Variants in CCR3 observed in about 807,000 individuals in gnomAD.
CCR3 encodes C-C chemokine receptor type 3.
For synonymous variants in CCR3, 203 were observed against 179.2 expected (o/e 1.13, Z -1.06); for missense variants, 419 against 437.5 (o/e 0.96, Z 0.38).
chr3:46,263,001 AC>A (rs1700555833), intron 1 of CCR3, among the ~76,000 whole-genome samples: 1 of 152,200 alleles, frequency 6.6e-6, no homozygotes, highest in African/African-American at 2.4e-5. Flanking sequence ...GTAATCAAGG[AC>A]TTGGCTGCTG....
intron 1 of CCR3, chr3:46,264,191 C>A (rs1242790818): frequency 1.9e-6 from 1 of 523,816 alleles, no homozygotes; most frequent in Admixed American, 3.7e-5. Context: ...TTGACTGACC[C>A]CTCCTGCTTA....
chr3:46,257,117 G>C (rs572104028), intron 1 of CCR3, among the ~76,000 whole-genome samples: 10 of 152,226 alleles, frequency 6.6e-5, no homozygotes, highest in Admixed American at 5.9e-4. Context: ...TAAATACATA[G>C]CATAGTGAAT....
At chr3:46,255,127 G>T (rs977726065) in intron 1 of CCR3, among the ~76,000 whole-genome samples, 4 of 151,952 alleles carry the variant, frequency 2.6e-5, no homozygotes, top group African/African-American at 9.7e-5. Flanking sequence ...GTTTTGATTT[G>T]CATTTCCCTG....
rs1403196529 is a variant in CCR3 at position 46,265,447 on chromosome 3, C to A, written c.289C>A (p.His97Asn). Residue 97 changes from histidine (H) to asparagine (N), a missense_variant, in exon 2 of 2, where the codon CAT becomes AAT. Physicochemically the swap from His to Asn is moderately conservative, Grantham distance 68 (BLOSUM62 1). Transcript: ENST00000395940. ...ATTCTGGATCCACTATGTCAGGGGG[C>A]ATAACTGGGTTTTTGGCCATGGCAT... ...LPFWIHYVRGHNWVFGHGMCK... is the reference protein window; with the variant it reads ...LPFWIHYVRGNNWVFGHGMCK... 1 of 1,614,030 alleles carries A rather than the reference C, an allele frequency of 6.2e-7. No homozygotes were observed. The highest frequency in any genetic ancestry group is 8.5e-7 in the Non-Finnish European group (1 of 1,180,034).
chr3:46,249,265 T>C lies in CCR3; in HGVS notation c.-12+6727T>C, dbSNP rs554993089. On this transcript the variant is annotated intron_variant, in intron 1 of 1. Transcript: ENST00000395940. ...ATAGTCAGGGAAGCAGATAATTTGG[T>C]TAAAATATCTCGGCCTAATAAGGGA... 1.9e-3 allele frequency among the ~76,000 whole-genome samples: 283 copies of C among 152,174 alleles called. 3 individuals are homozygous for C. Among genetic ancestry groups the C allele is most frequent in the African/African-American group, 6.4e-3 (267 of 41,496 alleles).
intron 2 of CCR3, among the ~76,000 whole-genome samples, chr3:46,221,993 G>C (rs1044664114): frequency 6.6e-6 from 1 of 152,080 alleles, no homozygotes; most frequent in African/African-American, 2.4e-5. Context: ...TTTCCCACAG[G>C]CTTCCTCCAC....
Position 46,250,997 on chromosome 3 carries a change from G to A in CCR3, c.-12+8459G>A, listed in dbSNP as rs142246295. On this transcript the variant is annotated intron_variant, in intron 1 of 1. Coordinates refer to ENST00000395940, the MANE Select transcript of CCR3 (RefSeq NM_178329.3). ...TTGGGGTGCAGAAATAAGGGATTGG[G>A]GGTTCTTGCCCCCTAGAAAAGTGGG... Among the ~76,000 whole-genome samples the A allele has an allele frequency of 3.2e-3, 489 of 152,042 alleles. 10 individuals carry two copies. The highest frequency in any genetic ancestry group is 0.011 in the African/African-American group (442 of 41,454).
chr3:46,213,925 C>G (rs1469624913), intron 2 of CCR3, among the ~76,000 whole-genome samples: 1 of 152,198 alleles, frequency 6.6e-6, no homozygotes, highest in Non-Finnish European at 1.5e-5. Context: ...TAAACACACC[C>G]TCAATTCCTT....
intron 1 of CCR3, among the ~76,000 whole-genome samples, chr3:46,256,688 A>G (rs1700431865): frequency 6.6e-6 from 1 of 152,208 alleles, no homozygotes; most frequent in Non-Finnish European, 1.5e-5. Context: ...ATTCATAAAT[A>G]AATTGCGTAA....
chr3:46,242,657 A>G (rs1700104930), intron 1 of CCR3, 119 bp downstream of exon 1: 1 of 152,044 alleles, frequency 6.6e-6, no homozygotes, highest in South Asian at 2.1e-4. Context: ...GTACACAGCA[A>G]TTTAGAGGTA....
At chr3:46,257,288 T>C (rs1349506606) in intron 1 of CCR3, among the ~76,000 whole-genome samples, 1 of 152,210 alleles carries the variant, frequency 6.6e-6, no homozygotes, top group Non-Finnish European at 1.5e-5. Context: ...CCTAAGTATA[T>C]GCTGTCCATT....
rs200237278 is a variant in CCR3, at chr3:46,265,404, C to T, written c.246C>T (p.Leu82=). 3 of 1,614,106 alleles carry T rather than the reference C, an allele frequency of 1.9e-6. No individual in the cohort carries two copies. The highest frequency in any genetic ancestry group is 1.6e-4 in the Middle Eastern group (1 of 6,084). ...TCAACCTGGCCATTTCGGACCTGCT[C>T]TTCCTCGTCACCCTTCCATTCTGGA... ...YLLNLAISDL[L]FLVTLPFWIH... Residue 82 remains leucine (L), a synonymous_variant, in exon 2 of 2, where the codon CTC becomes CTT. Transcript: ENST00000395940.
rs201371312 is a variant in CCR3 at position 46,265,989 on chromosome 3, G to C, written c.831G>C (p.Lys277Asn). 8 of 1,613,980 alleles carry C rather than the reference G, an allele frequency of 5.0e-6. No homozygotes were observed. Among genetic ancestry groups the C allele is most frequent in the Non-Finnish European group, 2.5e-6 (3 of 1,180,018 alleles). Residue 277 changes from lysine to asparagine, a missense_variant, in exon 2 of 2, where the codon AAG (lysine) becomes AAC (asparagine). By Grantham distance (94) the Lys-to-Asn change is moderately conservative. Transcript: ENST00000395940. ...ILFGNDCERSKHLDLVMLVTE... is the reference protein window; with the variant it reads ...ILFGNDCERSNHLDLVMLVTE... ...TTGGAAATGACTGTGAGCGGAGCAA[G>C]CATCTGGACCTGGTCATGCTGGTGA...
intron 2 of CCR3, among the ~76,000 whole-genome samples, chr3:46,212,471 C>A (rs1559522407): frequency 6.9e-6 from 1 of 145,218 alleles, no homozygotes; most frequent in Non-Finnish European, 1.5e-5. Context: ...CATTTCCCCC[C>A]TCTTGGCCCC....
chr3:46,236,734 C>T (rs1165685013), intron 2 of CCR3, among the ~76,000 whole-genome samples: 1 of 152,206 alleles, frequency 6.6e-6, no homozygotes, highest in Non-Finnish European at 1.5e-5. Context: ...CATAGTGGGA[C>T]CCTAGTGGGA....
At chr3:46,248,932 G>C (rs1700252780) in intron 1 of CCR3, among the ~76,000 whole-genome samples, 1 of 152,168 alleles carries the variant, frequency 6.6e-6, no homozygotes, top group Non-Finnish European at 1.5e-5. Flanking sequence ...GGCTTGTCTG[G>C]TTTTAGGACA....
chr3:46,214,635 A>G (rs1310038972), intron 2 of CCR3, among the ~76,000 whole-genome samples: 3 of 152,072 alleles, frequency 2.0e-5, no homozygotes, highest in Non-Finnish European at 4.4e-5. Flanking sequence ...TTGCCAATTT[A>G]TAGAAATAAG....
At chr3:46,251,385 G>A (rs562231586) in intron 1 of CCR3, among the ~76,000 whole-genome samples, 18 of 152,176 alleles carry the variant, frequency 1.2e-4, no homozygotes, top group East Asian at 5.8e-4. Flanking sequence ...GAAGTGTGGC[G>A]CCAAGATTGA....
At position 46,265,398 on chromosome 3, in the gene CCR3, C is replaced by T. The variant is rs202155031; in HGVS notation, c.240C>T (p.Asp80=). The part of the protein sequence containing the change: ...NIYLLNLAIS[D]LLFLVTLPFW... The stretch of plus-strand genomic sequence containing the variant: ...ACCTGCTCAACCTGGCCATTTCGGA[C>T]CTGCTCTTCCTCGTCACCCTTCCAT... Residue 80 remains aspartate, a synonymous_variant, in exon 2 of 2, where the codon GAC becomes GAT. Transcript: ENST00000395940. The T allele has an allele frequency of 5.9e-5, 95 of 1,614,052 alleles. No homozygotes were observed. Among genetic ancestry groups the T allele is most frequent in the Non-Finnish European group, 7.9e-5 (93 of 1,180,032 alleles).
Sources: allele counts gnomAD v4.1 joint callset (sites outside exome capture counted in the v4.1 genomes callset), GRCh38; gene constraint gnomAD v4.1.1; transcripts MANE v1.5; gene names NCBI Gene and HGNC (gene_info 2026-07-23, HGNC 2026-07-21).